CCDC171: variants seen among roughly 807,000 people sequenced by gnomAD.
The protein encoded by CCDC171 is coiled-coil domain-containing protein 171.
Under a neutral mutation model 168.2 loss-of-function variants are expected in CCDC171, and 177 were observed. That is an observed-to-expected ratio of 1.05 (90% CI 0.93 to 1.19). The LOEUF is 1.19. Ranked by LOEUF, CCDC171 falls within the 50% of genes most tolerant of loss-of-function variation. The probability of loss-of-function intolerance (pLI) is 0.00; values close to 1 mark genes in which losing one functional copy is unlikely to be tolerated. For synonymous variants in CCDC171, 687 were observed against 540.8 expected, an observed-to-expected ratio of 1.27 and a Z score of -3.75; for missense variants, 1,991 against 1,539.0, an observed-to-expected ratio of 1.29 and a Z score of -4.91.
Position 16,028,285 on chromosome 9 carries a change from A to T in CCDC171, n.998+5377A>T, listed in dbSNP as rs902784038. Among the ~76,000 whole-genome samples, 3 of 152,336 alleles carry T rather than the reference A, an allele frequency of 2.0e-5. No homozygotes were observed. The East Asian group carries it at 5.8e-4, about 29-fold the overall frequency. ...TGGGTGGCATGACCACAGTGTTCCCAGAAGAATGATTTGGAGTAGTGGGGA... is the reference window on the plus strand; with the variant it reads ...TGGGTGGCATGACCACAGTGTTCCCTGAAGAATGATTTGGAGTAGTGGGGA... On this transcript the variant is annotated intron_variant and non_coding_transcript_variant, in intron 6 of 9. Transcript: ENST00000486641.
intron 21 of CCDC171, among the ~76,000 whole-genome samples, chr9:15,843,672 C>G (rs544813571): frequency 1.7e-4 from 26 of 152,166 alleles, no homozygotes; most frequent in Non-Finnish European, 3.2e-4. Context: ...ACCTAATTGG[C>G]TTGTCTTCAC....
At chr9:15,932,993 A>T (rs977485137) in intron 25 of CCDC171, among the ~76,000 whole-genome samples, 10 of 152,058 alleles carry the variant, frequency 6.6e-5, no homozygotes, top group African/African-American at 2.4e-4. Context: ...GTTTGGTTTG[A>T]TAGTATCTTG....
chr9:15,576,482 C>G (rs1490760422), intron 3 of CCDC171, among the ~76,000 whole-genome samples: 1 of 152,098 alleles, frequency 6.6e-6, no homozygotes, highest in African/African-American at 2.4e-5. Flanking sequence ...GCCACCGCAC[C>G]TGGCCAGCAT....
At chr9:16,092,383 G>C in the CCDC171 span, among the ~76,000 whole-genome samples, 1 of 152,220 alleles carries the variant, frequency 6.6e-6, no homozygotes, top group South Asian at 2.1e-4. Flanking sequence ...GGCACCTTTA[G>C]TGTGTTTCCA....
At chr9:15,596,064 A>G (rs947134091) in intron 6 of CCDC171, among the ~76,000 whole-genome samples, 10 of 152,070 alleles carry the variant, frequency 6.6e-5, no homozygotes, top group Non-Finnish European at 1.3e-4. Context: ...AGATGAGTAG[A>G]TTGCAAAAAT....
intron 6 of CCDC171, among the ~76,000 whole-genome samples, chr9:15,615,281 T>C (rs934450804): frequency 6.6e-6 from 1 of 152,190 alleles, no homozygotes; most frequent in African/African-American, 2.4e-5. Context: ...TTTCTTCATA[T>C]AGAATTTCTA....
At chr9:15,732,010 TCTA>T (rs1342574849) in intron 16 of CCDC171, among the ~76,000 whole-genome samples, 1 of 152,082 alleles carries the variant, frequency 6.6e-6, no homozygotes, top group African/African-American at 2.4e-5. Context: ...AAGTATCTCT[TCTA>T]CTGTTTTCTC....
At chr9:15,564,216 A>G in intron 2 of CCDC171, 87 bp downstream of exon 2, 1 of 949,290 alleles carries the variant, frequency 1.1e-6, no homozygotes, top group Non-Finnish European at 1.6e-6. Context: ...GCTAACTGTA[A>G]GAATTCTCAT....
chr9:15,834,867 A>G (rs2060374853), intron 21 of CCDC171, among the ~76,000 whole-genome samples: 1 of 152,246 alleles, frequency 6.6e-6, no homozygotes, highest in South Asian at 2.1e-4. Context: ...TGGTGGTTTT[A>G]TCTTATTTTA....
the CCDC171 span, among the ~76,000 whole-genome samples, chr9:16,103,204 A>T: frequency 6.6e-6 from 1 of 152,152 alleles, no homozygotes; most frequent in African/African-American, 2.4e-5. Context: ...TCTGAGCTTT[A>T]AGTAACAAAG....
chr9:15,847,323 A>G (rs892402910), intron 22 of CCDC171, among the ~76,000 whole-genome samples: 3 of 152,040 alleles, frequency 2.0e-5, no homozygotes, highest in Non-Finnish European at 2.9e-5. Context: ...ATACAATAAA[A>G]CATATTGACC....
intron 18 of CCDC171, among the ~76,000 whole-genome samples, chr9:15,746,073 A>T (rs895982687): frequency 6.6e-6 from 1 of 152,294 alleles, no homozygotes; most frequent in South Asian, 2.1e-4. Context: ...TTTTAGATGG[A>T]ATTAATTTGG....
chr9:15,733,814 G>T (rs1418984228), intron 16 of CCDC171, among the ~76,000 whole-genome samples: 5 of 152,030 alleles, frequency 3.3e-5, no homozygotes, highest in Admixed American at 3.3e-4. Flanking sequence ...TGTTGCCCTG[G>T]CTTGAGTATG....
chr9:15,991,264 G>T (rs900661531), intron 3 of CCDC171, among the ~76,000 whole-genome samples: 3 of 152,090 alleles, frequency 2.0e-5, no homozygotes, highest in African/African-American at 7.2e-5. Context: ...TAGAACTCAG[G>T]ATTAAGAAAC....
chr9:15,647,724 G>A (rs2047164621), intron 7 of CCDC171, among the ~76,000 whole-genome samples: 1 of 152,072 alleles, frequency 6.6e-6, no homozygotes, highest in Non-Finnish European at 1.5e-5. Flanking sequence ...AAATACACCA[G>A]TAACAGGCTC....
Position 15,727,979 on chromosome 9 carries a change from A to G in CCDC171, c.1803A>G (p.Ala601=). The change falls in exon 15 of 26, where the codon GCA becomes GCG. Residue 601 remains alanine (A), a synonymous_variant. Transcript: ENST00000380701. ...LDKFSWSELC[A]VLQENVDALI... ...AATTCTCTTGGTCTGAGCTTTGTGC[A>G]GTCTTACAGGAGAATGTTGATGCCC... 2 of 1,613,394 alleles carry G rather than the reference A, an allele frequency of 1.2e-6. No individual in the cohort carries two copies. Among genetic ancestry groups the G allele is most frequent in the Non-Finnish European group, 8.5e-7 (1 of 1,179,598 alleles).
intron 23 of CCDC171, among the ~76,000 whole-genome samples, chr9:15,868,367 A>G (rs180762479): frequency 2.6e-5 from 4 of 151,992 alleles, no homozygotes; most frequent in African/African-American, 9.7e-5. Flanking sequence ...ACTGTTGCTT[A>G]TATCCTGGGA....
At chr9:15,705,610 A>G (rs1396156831) in intron 11 of CCDC171, among the ~76,000 whole-genome samples, 1 of 152,144 alleles carries the variant, frequency 6.6e-6, no homozygotes, top group Non-Finnish European at 1.5e-5. Context: ...CACCTTGTCC[A>G]TGAAGCTTGC....
chr9:15,948,688 A>G (rs1321639009), intron 25 of CCDC171, among the ~76,000 whole-genome samples: 1 of 151,138 alleles, frequency 6.6e-6, no homozygotes, highest in Non-Finnish European at 1.5e-5. Context: ...TTTCTTTTAA[A>G]TTTGTTTGAG....
Sources: gnomAD v4.1 joint callset for allele counts (sites outside exome capture counted in the v4.1 genomes callset) on GRCh38, gnomAD v4.1.1 for gene constraint, MANE v1.5 for transcripts, NCBI Gene and HGNC (gene_info 2026-07-23, HGNC 2026-07-21) for gene names.